GPC3: variants seen among roughly 807,000 people sequenced by gnomAD.
GPC3 encodes glypican 3, also known as glypican-3.
Under a neutral mutation model 34.4 loss-of-function variants are expected in GPC3, and 3 were observed. The observed-to-expected ratio is 0.09, with a 90% confidence interval of 0.04 to 0.23. The LOEUF (loss-of-function observed/expected upper bound fraction) is 0.23. Ranked by LOEUF, GPC3 falls within the 10% of genes least tolerant of loss-of-function variation. The probability of loss-of-function intolerance (pLI) is 1.00; values close to 1 mark genes in which losing one functional copy is unlikely to be tolerated. For synonymous variants in GPC3, 177 were observed against 174.0 expected (o/e 1.02, Z -0.13); for missense variants, 351 against 445.6 (o/e 0.79, Z 1.91).
chrX:133,748,813 A>G (rs757715823), intron 3 of GPC3, among the ~76,000 whole-genome samples: 2 of 111,790 alleles, frequency 1.8e-5, no homozygotes, highest in South Asian at 7.6e-4. Flanking sequence ...CATTTTATAG[A>G]TGAAGAATTC....
At chrX:133,785,647 T>C (rs138120778) in intron 2 of GPC3, among the ~76,000 whole-genome samples, 1,580 of 112,018 alleles carry the variant, frequency 0.014, 28 homozygotes, top group African/African-American at 0.048. Flanking sequence ...TGTTTACTTA[T>C]TGGAGCTAAG....
chrX:133,558,915 A>G (rs1603157510), intron 7 of GPC3, among the ~76,000 whole-genome samples: 1 of 107,748 alleles, frequency 9.3e-6, no homozygotes. Context: ...AAATAAATAA[A>G]TAAATAAATA....
intron 4 of GPC3, among the ~76,000 whole-genome samples, chrX:133,696,596 AT>A (rs1352052995): frequency 8.9e-6 from 1 of 112,252 alleles, no homozygotes; most frequent in Non-Finnish European, 1.9e-5. Flanking sequence ...CACAGTCCAG[AT>A]TTTTTTCCTT....
intron 2 of GPC3, among the ~76,000 whole-genome samples, chrX:133,941,961 C>T (rs1282011018): frequency 9.0e-6 from 1 of 111,483 alleles, no homozygotes; most frequent in Non-Finnish European, 1.9e-5. Context: ...AAATGATCAA[C>T]AAATCTCACT....
intron 7 of GPC3, among the ~76,000 whole-genome samples, chrX:133,549,308 T>C (rs1029260267): frequency 1.8e-5 from 2 of 111,712 alleles, no homozygotes; most frequent in African/African-American, 6.5e-5. Flanking sequence ...GAATGTTCCA[T>C]TCTGTGATAG....
At chrX:133,815,037 G>T (rs1610691) in intron 2 of GPC3, among the ~76,000 whole-genome samples, 1 of 111,293 alleles carries the variant, frequency 9.0e-6, no homozygotes, top group East Asian at 2.8e-4. Flanking sequence ...ATATAAAATA[G>T]AACAATGAGT....
At chrX:133,887,533 T>C (rs991365284) in intron 2 of GPC3, among the ~76,000 whole-genome samples, 3 of 112,089 alleles carry the variant, frequency 2.7e-5, no homozygotes, top group African/African-American at 9.7e-5. Context: ...ATCTGCTTTC[T>C]TGTTATTGAG....
chrX:133,537,714 G>A (rs1348066953), intron 7 of GPC3, among the ~76,000 whole-genome samples: 2 of 111,909 alleles, frequency 1.8e-5, no homozygotes, highest in African/African-American at 3.2e-5. Flanking sequence ...AATATAAGGC[G>A]ACATCTCAAC....
chrX:133,768,837 G>A (rs1361627720), intron 2 of GPC3, among the ~76,000 whole-genome samples: 9 of 110,668 alleles, frequency 8.1e-5, no homozygotes, highest in Non-Finnish European at 1.7e-4. Context: ...CTACCCAGGA[G>A]GTTGAGGCAG....
Position 133,721,844 on chromosome X carries a change from T to G in GPC3, c.1033-21816A>C, listed in dbSNP as rs141371002. 5.2e-3 allele frequency among the ~76,000 whole-genome samples: 583 copies of G among 111,816 alleles called. 3 individuals are homozygous for G. The highest frequency in any genetic ancestry group is 0.018 in the African/African-American group (547 of 30,865). ...ATCTGTAAAACTCTTAAATAAAAAT[T>G]TTGTACATTTTTGTAATCCTGGATT... On this transcript the variant is annotated intron_variant, in intron 3 of 7. Transcript: ENST00000370818.
chrX:133,899,611 A>G (rs2076135188), intron 2 of GPC3, among the ~76,000 whole-genome samples: 1 of 111,003 alleles, frequency 9.0e-6, no homozygotes, highest in African/African-American at 3.3e-5. Context: ...TATTGTATGT[A>G]AACTCTGCCT....
At chrX:133,537,702 C>T (rs1342210668) in intron 7 of GPC3, among the ~76,000 whole-genome samples, 1 of 111,916 alleles carries the variant, frequency 8.9e-6, no homozygotes, top group African/African-American at 3.2e-5. Flanking sequence ...ATATTTTTTG[C>T]TAATATAAGG....
intron 5 of GPC3, among the ~76,000 whole-genome samples, chrX:133,662,797 T>C (rs1419335360): frequency 8.9e-6 from 1 of 111,796 alleles, no homozygotes; most frequent in African/African-American, 3.2e-5. Flanking sequence ...TTGCTCCTGA[T>C]CCTGATAATG....
intron 5 of GPC3, among the ~76,000 whole-genome samples, chrX:133,677,094 T>C: frequency 8.9e-6 from 1 of 111,807 alleles, no homozygotes; most frequent in Non-Finnish European, 1.9e-5. Flanking sequence ...AGTTATGCAG[T>C]GCTATGGGGG....
intron 3 of GPC3, among the ~76,000 whole-genome samples, chrX:133,701,537 C>G (rs1156524174): frequency 1.8e-5 from 2 of 112,149 alleles, no homozygotes; most frequent in African/African-American, 6.5e-5. Context: ...TCCAACGTAG[C>G]CAAGGTGAAT....
chrX:133,715,941 G>A (rs773677921), intron 3 of GPC3, among the ~76,000 whole-genome samples: 1 of 111,390 alleles, frequency 9.0e-6, no homozygotes, highest in East Asian at 2.9e-4. Flanking sequence ...CTGCTAGGCT[G>A]AATGTTAAAG....
At chrX:133,872,103 C>A (rs1263254084) in intron 2 of GPC3, among the ~76,000 whole-genome samples, 1 of 111,685 alleles carries the variant, frequency 9.0e-6, no homozygotes, top group Non-Finnish European at 1.9e-5. Flanking sequence ...ACCACCACAT[C>A]CAGCACCAGT....
intron 2 of GPC3, among the ~76,000 whole-genome samples, chrX:133,805,927 A>G (rs143497948): frequency 1.9e-3 from 209 of 112,595 alleles, no homozygotes; most frequent in African/African-American, 6.5e-3. Flanking sequence ...TTCACTGATG[A>G]AAAAAGGAAA....
intron 7 of GPC3, among the ~76,000 whole-genome samples, chrX:133,592,814 G>C (rs1295240621): frequency 9.0e-6 from 1 of 111,683 alleles, no homozygotes; most frequent in African/African-American, 3.3e-5. Context: ...TAAAGTTGGG[G>C]TTATGATCCC....
Sources: allele counts gnomAD v4.1 joint callset (sites outside exome capture counted in the v4.1 genomes callset), GRCh38; gene constraint gnomAD v4.1.1; transcripts MANE v1.5; gene names NCBI Gene and HGNC (gene_info 2026-07-23, HGNC 2026-07-21).